MAPK8: variants seen among roughly 807,000 people sequenced by gnomAD.
MAPK8 encodes the protein mitogen-activated protein kinase 8.
In MAPK8, 13 loss-of-function variants were observed where a neutral mutation model predicts 52.9. The ratio of observed to expected loss-of-function variants is 0.25; its 90% CI spans 0.16 to 0.39. The LOEUF (loss-of-function observed/expected upper bound fraction) is 0.39. Ranked by LOEUF, MAPK8 falls within the 10% of genes least tolerant of loss-of-function variation. The pLI is 1.00. For synonymous variants in MAPK8, 191 were observed against 169.8 expected, an observed-to-expected ratio of 1.12 and a Z score of -0.97; for missense variants, 300 against 519.2, an observed-to-expected ratio of 0.58 and a Z score of 4.10.
intron 5 of MAPK8, among the ~76,000 whole-genome samples, chr10:48,417,207 G>A (rs2043112496): frequency 6.6e-6 from 1 of 152,174 alleles, no homozygotes; most frequent in Non-Finnish European, 1.5e-5. Context: ...TTGGCGTTAG[G>A]TCTGACAGTT....
intron 5 of MAPK8, among the ~76,000 whole-genome samples, chr10:48,418,842 A>C (rs1383407836): frequency 6.6e-6 from 1 of 152,072 alleles, no homozygotes; most frequent in Admixed American, 6.6e-5. Context: ...CTTTGCTCTT[A>C]ATTTTTTCAC....
intron 6 of MAPK8, among the ~76,000 whole-genome samples, chr10:48,422,482 T>C (rs747071203): frequency 3.9e-5 from 6 of 152,260 alleles, no homozygotes; most frequent in African/African-American, 1.2e-4. Flanking sequence ...ATCAGACTTA[T>C]GTTCCTAGTC....
At chr10:48,412,173 A>G (rs928125348) in intron 5 of MAPK8, among the ~76,000 whole-genome samples, 4 of 152,108 alleles carry the variant, frequency 2.6e-5, no homozygotes, top group Non-Finnish European at 5.9e-5. Context: ...TGTATCATCC[A>G]TTGCTATTTG....
At chr10:48,423,147 G>A (rs1042196251) in intron 6 of MAPK8, among the ~76,000 whole-genome samples, 2 of 152,156 alleles carry the variant, frequency 1.3e-5, no homozygotes, top group Admixed American at 6.5e-5. Flanking sequence ...AAAATGCCAC[G>A]ATGTGTTGTC....
intron 1 of MAPK8, among the ~76,000 whole-genome samples, chr10:48,329,349 A>T (rs1458406547): frequency 6.6e-6 from 1 of 152,200 alleles, no homozygotes; most frequent in Non-Finnish European, 1.5e-5. Context: ...TTAGTATGGC[A>T]TTGCGAGCAC....
chr10:48,342,695 A>G (rs1845415264), intron 1 of MAPK8, among the ~76,000 whole-genome samples: 1 of 152,200 alleles, frequency 6.6e-6, no homozygotes, highest in South Asian at 2.1e-4. Flanking sequence ...GTAACTCCTC[A>G]GAGTAGTTGT....
chr10:48,436,420 G>A lies in MAPK8; in HGVS notation c.*1391G>A, dbSNP rs1229008918. The stretch of plus-strand genomic sequence containing the variant: ...AACTTTTCCTAAGTAAAATGTCTTT[G>A]AAGTCTCGTTATTTCTGAAATACGT... On this transcript the variant is annotated 3_prime_UTR_variant, in exon 12 of 12. Coordinates refer to ENST00000374189, the MANE Select transcript of MAPK8 (RefSeq NM_001323329.2). 6.6e-6 allele frequency: 1 copy of A among 152,132 alleles called. No homozygotes were observed. The allele number at this position is 152,132 out of a possible 1,614,324, so 9.4% of individuals were successfully genotyped here. A position where few individuals can be genotyped will look rare whatever the true frequency, so the allele number is the denominator to read the frequency against.
chr10:48,405,199 A>T (rs1478409931), intron 3 of MAPK8, among the ~76,000 whole-genome samples: 2 of 151,660 alleles, frequency 1.3e-5, no homozygotes, highest in Admixed American at 6.6e-5. Context: ...AGATTATATG[A>T]TTTCCTGTCA....
intron 1 of MAPK8, among the ~76,000 whole-genome samples, chr10:48,357,755 GT>G (rs2132499778): frequency 6.6e-6 from 1 of 152,162 alleles, no homozygotes; most frequent in South Asian, 2.1e-4. Flanking sequence ...TTTATTATTT[GT>G]TTAGTACATT....
chr10:48,367,760 A>T (rs1848187345), intron 1 of MAPK8, among the ~76,000 whole-genome samples: 1 of 152,238 alleles, frequency 6.6e-6, no homozygotes, highest in Non-Finnish European at 1.5e-5. Context: ...TGAGAAGTAT[A>T]AATAAAATTC....
chr10:48,309,330 G>A (rs1588888587), intron 1 of MAPK8, among the ~76,000 whole-genome samples: 1 of 152,006 alleles, frequency 6.6e-6, no homozygotes, highest in South Asian at 2.1e-4. Context: ...TCCATTAGCA[G>A]TCACTCTGAA....
chr10:48,426,818 G>A (rs1050491317), intron 9 of MAPK8: 31 of 476,240 alleles, frequency 6.5e-5, no homozygotes, highest in Non-Finnish European at 1.1e-4. Context: ...AAGGAAAACA[G>A]AATTCTGTGA....
intron 1 of MAPK8, among the ~76,000 whole-genome samples, chr10:48,311,246 A>G (rs77684831): frequency 5.3e-5 from 8 of 152,328 alleles, no homozygotes; most frequent in Non-Finnish European, 1.0e-4. Context: ...ATGCCAAGTA[A>G]ACGTCAAACC....
intron 6 of MAPK8, among the ~76,000 whole-genome samples, chr10:48,422,010 T>TTTATC (rs2043392321): frequency 3.2e-5 from 2 of 63,082 alleles, no homozygotes; most frequent in South Asian, 1.0e-3. Flanking sequence ...ATTTATCTTA[T>TTTATC]TTATTTATTT....
At chr10:48,431,465 A>C (rs1483416356) in intron 11 of MAPK8, among the ~76,000 whole-genome samples, 195 bp downstream of exon 11, 2 of 152,198 alleles carry the variant, frequency 1.3e-5, no homozygotes, top group African/African-American at 2.4e-5. Context: ...CATAAGATGC[A>C]CATCTTTTTC....
chr10:48,353,366 T>C (rs139583786), intron 1 of MAPK8, among the ~76,000 whole-genome samples: 1 of 152,280 alleles, frequency 6.6e-6, no homozygotes, highest in East Asian at 1.9e-4. Flanking sequence ...ATCAAGACAG[T>C]GTAGTATTGG....
chr10:48,384,531 A>G (rs962583317), intron 1 of MAPK8, among the ~76,000 whole-genome samples: 1 of 152,224 alleles, frequency 6.6e-6, no homozygotes, highest in Non-Finnish European at 1.5e-5. Flanking sequence ...GGGAAAGCCC[A>G]TTAAGAAAAA....
chr10:48,341,946 G>A (rs1845318747), intron 1 of MAPK8, among the ~76,000 whole-genome samples: 1 of 152,212 alleles, frequency 6.6e-6, no homozygotes, highest in Non-Finnish European at 1.5e-5. Flanking sequence ...ATGCAGAAGC[G>A]ATCAGGAGAG....
In MAPK8 at chr10:48,306,686, C is replaced by G. The variant is rs1311915807; in HGVS notation, c.-185C>G. ...GACGGCCCGCGTCTCTGTTACTCAG[C>G]CGAGCGGCCGAGGCCGGACGACGCG... On this transcript the variant is annotated 5_prime_UTR_variant, in exon 1 of 12. Coordinates refer to ENST00000374189, the MANE Select transcript of MAPK8 (RefSeq NM_001323329.2). 6.6e-6 allele frequency: 1 copy of G among 151,306 alleles called. No individual in the cohort carries two copies. Among genetic ancestry groups the G allele is most frequent in the East Asian group, 1.9e-4 (1 of 5,138 alleles). The allele number at this position is 151,306 out of a possible 1,614,324, so 9.4% of individuals were successfully genotyped here. A position where few individuals can be genotyped will look rare whatever the true frequency, so the allele number is the denominator to read the frequency against.
Sources: allele counts gnomAD v4.1 joint callset (sites outside exome capture counted in the v4.1 genomes callset), GRCh38; gene constraint gnomAD v4.1.1; transcripts MANE v1.5; gene names NCBI Gene and HGNC (gene_info 2026-07-23, HGNC 2026-07-21).